TBC1D13: variants seen among roughly 807,000 people sequenced by gnomAD.
TBC1D13 encodes the protein epididymis secretory sperm binding protein.
Under a neutral mutation model 53.6 loss-of-function variants are expected in TBC1D13, and 40 were observed. The observed-to-expected ratio is 0.75, with a 90% CI of 0.58 to 0.97. TBC1D13 has a LOEUF of 0.97. TBC1D13 is among the 50% of genes least tolerant of loss of function. The pLI is 0.00. For missense variants in TBC1D13, 377 were observed against 499.4 expected (o/e 0.75, Z 2.34); for synonymous variants, 182 against 197.7 (o/e 0.92, Z 0.67).
chr9:128,804,220 A>T, intron 9 of TBC1D13, 101 bp downstream of exon 9: 1 of 1,368,912 alleles, frequency 7.3e-7, no homozygotes, highest in Non-Finnish European at 1.0e-6. Flanking sequence ...TGGGGGTCAG[A>T]AGTAGCTGCT....
At position 128,803,324 on chromosome 9, in the gene TBC1D13, C is replaced by A; in HGVS notation, c.618C>A (p.Ala206=). Residue 206 remains alanine (A), a synonymous_variant, in exon 8 of 12, where the codon GCC becomes GCA. Coordinates refer to ENST00000372648, the MANE Select transcript of TBC1D13 (RefSeq NM_018201.5). ...AGGTGCTGCCCAATGGCTGTGAGGCCCACTGGGAGGTGGTGGAGCGGATCC... is the reference window on the plus strand; with the variant it reads ...AGGTGCTGCCCAATGGCTGTGAGGCACACTGGGAGGTGGTGGAGCGGATCC... The part of the protein sequence containing the change: ...EYEVLPNGCE[A]HWEVVERILF... The A allele has an allele frequency of 6.2e-7, 1 of 1,614,192 alleles. No homozygotes were observed. The highest frequency in any genetic ancestry group is 8.5e-7 in the Non-Finnish European group (1 of 1,180,040).
chr9:128,805,717 G>T, intron 9 of TBC1D13, 142 bp from the exon 10 acceptor site: 1 of 900,178 alleles, frequency 1.1e-6, no homozygotes, highest in Non-Finnish European at 1.6e-6. Flanking sequence ...AGGCTGTCCG[G>T]CAGCCTGGTG....
Position 128,806,326 on chromosome 9 carries a change from G to A in TBC1D13, c.1137+15G>A, listed in dbSNP as rs754016356. The A allele has an allele frequency of 4.3e-6, 7 of 1,613,930 alleles. No homozygotes were observed. The South Asian group carries it at 6.6e-5, about 15-fold the overall frequency. ...GGCTGCTGCAGGTAATGGGAGTTGGGGGCAGGCTCAGCCACTGCCATGAGG... is the reference window on the plus strand; with the variant it reads ...GGCTGCTGCAGGTAATGGGAGTTGGAGGCAGGCTCAGCCACTGCCATGAGG... On this transcript the variant is annotated intron_variant, in intron 11 of 11. Transcript: ENST00000372648.
At chr9:128,792,400 T>G in intron 5 of TBC1D13, 92 bp from the exon 6 acceptor site, 1 of 1,113,076 alleles carries the variant, frequency 9.0e-7, no homozygotes, top group Non-Finnish European at 1.3e-6. Context: ...GTGGGATTGT[T>G]GCAGCAAGGC....
rs1187070215 is a variant in TBC1D13 at position 128,808,422 on chromosome 9, T to C, written c.*543T>C. ...GGCATCTTCTCCGTGTGTGTGTGTG[T>C]GTGTGTGTGTGTGTGTGTGTGTGTG... is the stretch of plus-strand genomic sequence containing the variant. On this transcript the variant is annotated 3_prime_UTR_variant, in exon 12 of 12. Transcript: ENST00000372648. 1.9e-5 allele frequency: 3 copies of C among 160,640 alleles called. No individual in the cohort carries two copies. The highest frequency in any genetic ancestry group is 8.0e-5 in the African/African-American group (3 of 37,686). 10.0% of individuals were successfully genotyped at this position (160,640 alleles called of 1,614,324 possible).
At chr9:128,803,704 T>C (rs977502188) in intron 8 of TBC1D13, among the ~76,000 whole-genome samples, 15 of 152,368 alleles carry the variant, frequency 9.8e-5, no homozygotes, top group Non-Finnish European at 1.6e-4. Flanking sequence ...ATTTAAATAA[T>C]GATTTTTAAA....
chr9:128,806,490 A>G (rs1470564394), intron 11 of TBC1D13, among the ~76,000 whole-genome samples, 179 bp downstream of exon 11: 1 of 152,136 alleles, frequency 6.6e-6, no homozygotes, highest in Non-Finnish European at 1.5e-5. Flanking sequence ...TCTGCCACTG[A>G]CCTGGAATGT....
In TBC1D13 at chr9:128,805,314, T is replaced by C. The variant is rs192993918; in HGVS notation, c.919-545T>C. Among the ~76,000 whole-genome samples the C allele has an allele frequency of 9.9e-5, 15 of 152,210 alleles. No homozygotes were observed. The East Asian group carries it at 2.9e-3, about 29-fold the overall frequency. On this transcript the variant is annotated intron_variant, in intron 9 of 11. Coordinates refer to ENST00000372648, the MANE Select transcript of TBC1D13 (RefSeq NM_018201.5). ...CCACTGCACTTCAGCCTAGGCAATA[T>C]AGCGAGACCTCATCTCTAAAAAAAA... is the stretch of plus-strand genomic sequence containing the variant.
Position 128,787,332 on chromosome 9 carries a change from G to T in TBC1D13, c.-22G>T. 1 of 1,258,346 alleles carries T rather than the reference G, an allele frequency of 7.9e-7. No individual in the cohort carries two copies. Among genetic ancestry groups the T allele is most frequent in the Non-Finnish European group, 1.0e-6 (1 of 995,392 alleles). The allele number at this position is 1,258,346 out of a possible 1,614,324, so 77.9% of individuals were successfully genotyped here. Reference sequence around the variant, plus strand: ...AGAGGCGCAGGCGGCGGAGGCGGCTGGGGGGTCCGGAAGTCAACACCATGT... The same window carrying T: ...AGAGGCGCAGGCGGCGGAGGCGGCTTGGGGGTCCGGAAGTCAACACCATGT... On this transcript the variant is annotated 5_prime_UTR_variant, in exon 1 of 12. Coordinates refer to ENST00000372648, the MANE Select transcript of TBC1D13 (RefSeq NM_018201.5).
chr9:128,795,546 C>T (rs1413320545), intron 6 of TBC1D13, among the ~76,000 whole-genome samples: 17 of 138,026 alleles, frequency 1.2e-4, no homozygotes, highest in African/African-American at 3.5e-4. Context: ...CTGCAAGCTC[C>T]GCCTCCCGGG....
chr9:128,792,710 G>T (rs571102195), intron 6 of TBC1D13, 136 bp downstream of exon 6: 39 of 755,616 alleles, frequency 5.2e-5, no homozygotes, highest in Non-Finnish European at 7.7e-5. Context: ...CAGCGGTTGG[G>T]TCCAGGCACT....
At chr9:128,803,843 A>G in intron 8 of TBC1D13, 113 bp from the exon 9 acceptor site, 1 of 1,403,122 alleles carries the variant, frequency 7.1e-7, no homozygotes, top group South Asian at 1.3e-5. Context: ...ACTGAGCCAG[A>G]CCATGAGGAT....
chr9:128,791,840 G>A (rs1341473489), intron 5 of TBC1D13, 147 bp downstream of exon 5: 1 of 672,748 alleles, frequency 1.5e-6, no homozygotes, highest in Non-Finnish European at 2.6e-6. Flanking sequence ...TTTCTGCGTT[G>A]GGTCACTAAG....
In TBC1D13 at chr9:128,807,966, C is replaced by T. The variant is rs1181937144; in HGVS notation, c.*87C>T. On this transcript the variant is annotated 3_prime_UTR_variant, in exon 12 of 12. Transcript: ENST00000372648. ...GGACACATAGAAACCTGTAGGAACC[C>T]AGCCTGAGGGGAAGCCACAGGATCG... is the stretch of plus-strand genomic sequence containing the variant. 1.3e-5 allele frequency: 17 copies of T among 1,312,874 alleles called. No homozygotes were observed. 81.3% of individuals were successfully genotyped at this position (1,312,874 alleles called of 1,614,324 possible).
In TBC1D13 at chr9:128,792,584, G is replaced by T. The variant is rs1360112314; in HGVS notation, c.383+10G>T. The T allele has an allele frequency of 3.1e-6, 5 of 1,613,362 alleles. No homozygotes were observed. Among genetic ancestry groups the T allele is most frequent in the African/African-American group, 2.7e-5 (2 of 74,876 alleles). On this transcript the variant is annotated intron_variant, in intron 6 of 11. Transcript: ENST00000372648. ...TCGACAAAGATGTCCGGTAGGCAGG[G>T]TGCCTGGGGCCGGGAGCTGGCCCAT...
Position 128,808,007 on chromosome 9 carries a change from C to CG in TBC1D13, c.*128_*129insG. The stretch of plus-strand genomic sequence containing the variant: ...CACAGGATCGGCCCGAGACCCAGGC[C>CG]ATGCCCACTGGGGACACACTGTGCC... On this transcript the variant is annotated 3_prime_UTR_variant, in exon 12 of 12. Coordinates refer to ENST00000372648, the MANE Select transcript of TBC1D13 (RefSeq NM_018201.5). The CG allele has an allele frequency of 1.2e-6, 1 of 835,482 alleles. No homozygotes were observed. Among genetic ancestry groups the CG allele is most frequent in the Non-Finnish European group, 2.0e-6 (1 of 505,324 alleles). 51.8% of individuals were successfully genotyped at this position (835,482 alleles called of 1,614,324 possible).
Position 128,801,963 on chromosome 9 carries a change from G to A in TBC1D13, c.544-1287G>A, listed in dbSNP as rs189139012. Among the ~76,000 whole-genome samples the A allele has an allele frequency of 2.3e-4, 34 of 145,626 alleles. 1 individual carries two copies. The highest frequency in any genetic ancestry group is 6.5e-4 in the African/African-American group (26 of 39,880). On this transcript the variant is annotated intron_variant, in intron 7 of 11. Transcript: ENST00000372648. ...TTTTTGGTAGAGACAGGGTTTCACCGTGTTAGCTAGGATGGTCTTGGTCTC... is the reference window on the plus strand; with the variant it reads ...TTTTTGGTAGAGACAGGGTTTCACCATGTTAGCTAGGATGGTCTTGGTCTC...
At chr9:128,791,351 CA>C (rs1325587086) in intron 3 of TBC1D13, 28 bp from the exon 4 acceptor site, 6 of 1,611,552 alleles carry the variant, frequency 3.7e-6, no homozygotes, top group Non-Finnish European at 5.1e-6. Context: ...GGAGGGTCAC[CA>C]GAGCTTTGCC....
intron 7 of TBC1D13, among the ~76,000 whole-genome samples, chr9:128,800,785 G>A (rs1189797413): frequency 1.3e-5 from 2 of 152,130 alleles, no homozygotes; most frequent in Middle Eastern, 3.2e-3. Context: ...TGCTTTATTT[G>A]TGTGTGTATT....
Sources: allele counts gnomAD v4.1 joint callset (sites outside exome capture counted in the v4.1 genomes callset), GRCh38; gene constraint gnomAD v4.1.1; transcripts MANE v1.5; gene names NCBI Gene and HGNC (gene_info 2026-07-23, HGNC 2026-07-21).